PRDM5: variants seen among roughly 807,000 people sequenced by gnomAD.
PRDM5 encodes the protein PR domain zinc finger protein 5.
A neutral mutation model predicts 81.2 loss-of-function variants in PRDM5; 56 were observed. The ratio of observed to expected loss-of-function variants is 0.69; its 90% CI spans 0.56 to 0.86. The LOEUF (loss-of-function observed/expected upper bound fraction) is 0.86. PRDM5 is among the 40% of genes least tolerant of loss of function. The pLI is 0.00. For missense variants in PRDM5, 697 were observed against 770.1 expected (o/e 0.91, Z 1.12); for synonymous variants, 267 against 256.4 (o/e 1.04, Z -0.39).
rs1408832170 is a variant in PRDM5, at chr4:120,770,673, G to GA, written c.1537+6514dup. Among the ~76,000 whole-genome samples, 12 of 150,282 alleles carry GA rather than the reference G, an allele frequency of 8.0e-5. No individual in the cohort carries two copies. In the East Asian group the frequency reaches 9.7e-4, roughly 12 times the overall value. On this transcript the variant is annotated intron_variant, in intron 13 of 15. Coordinates refer to ENST00000264808, the MANE Select transcript of PRDM5 (RefSeq NM_018699.4). ...CTGGACAGAGCAAGACTATGTCTCA[G>GA]AAAAAAAAATTAGATAATTTCTCTT...
intron 2 of PRDM5, among the ~76,000 whole-genome samples, chr4:120,865,039 A>C (rs1761047486): frequency 6.6e-6 from 1 of 152,188 alleles, no homozygotes; most frequent in South Asian, 2.1e-4. Flanking sequence ...CCAAACCTAG[A>C]ACACAAATAT....
chr4:120,849,698 C>T (rs945908829), intron 3 of PRDM5, among the ~76,000 whole-genome samples: 3 of 152,088 alleles, frequency 2.0e-5, no homozygotes, highest in African/African-American at 4.8e-5. Flanking sequence ...AAATATTCAT[C>T]TTCTATCAAA....
intron 2 of PRDM5, among the ~76,000 whole-genome samples, chr4:120,902,950 CA>C (rs1765382585): frequency 6.6e-6 from 1 of 152,232 alleles, no homozygotes; most frequent in African/African-American, 2.4e-5. Flanking sequence ...CCAGGAGGCT[CA>C]ATCCTGACTG....
At chr4:120,818,662 A>T in intron 4 of PRDM5, 135 bp from the exon 5 acceptor site, 3 of 752,196 alleles carry the variant, frequency 4.0e-6, no homozygotes, top group Non-Finnish European at 6.7e-6. Flanking sequence ...TTATCACTAT[A>T]AATATTAATA....
At chr4:120,905,690 CA>C (rs1407024579) in intron 2 of PRDM5, among the ~76,000 whole-genome samples, 5 of 152,150 alleles carry the variant, frequency 3.3e-5, no homozygotes, top group South Asian at 2.1e-4. Flanking sequence ...TTAAAATAAA[CA>C]AATATATATA....
chr4:120,738,857 T>C (rs1459563417), intron 14 of PRDM5, among the ~76,000 whole-genome samples: 3 of 152,248 alleles, frequency 2.0e-5, no homozygotes, highest in Admixed American at 1.3e-4. Flanking sequence ...CATCCAAAAC[T>C]TAATACATTA....
intron 1 of PRDM5, among the ~76,000 whole-genome samples, chr4:120,910,168 TA>T (rs1243967613): frequency 1.3e-5 from 2 of 152,184 alleles, no homozygotes; most frequent in African/African-American, 4.8e-5. Context: ...AAAACACTGA[TA>T]GGGGAGGTAA....
intron 2 of PRDM5, among the ~76,000 whole-genome samples, chr4:120,895,341 T>C (rs969032216): frequency 1.3e-5 from 2 of 151,836 alleles, no homozygotes; most frequent in Non-Finnish European, 2.9e-5. Flanking sequence ...ACAAAGTAAG[T>C]GAAGAACCAG....
At chr4:120,713,836 T>C (rs1385702145) in intron 14 of PRDM5, among the ~76,000 whole-genome samples, 1 of 152,094 alleles carries the variant, frequency 6.6e-6, no homozygotes, top group Non-Finnish European at 1.5e-5. Context: ...ATTCTGGAGG[T>C]TAGAAGTCTA....
chr4:120,807,933 G>A (rs574310424), intron 8 of PRDM5, among the ~76,000 whole-genome samples: 40 of 152,176 alleles, frequency 2.6e-4, no homozygotes, highest in African/African-American at 7.0e-4. Context: ...AGACCTTCGC[G>A]GTGAGTGTTA....
chr4:120,754,212 T>C (rs978683116), intron 14 of PRDM5, among the ~76,000 whole-genome samples: 2 of 150,968 alleles, frequency 1.3e-5, no homozygotes, highest in African/African-American at 4.9e-5. Context: ...TATTAAAAAA[T>C]GTTCCTATTA....
At chr4:120,736,908 A>G (rs1741201334) in intron 14 of PRDM5, among the ~76,000 whole-genome samples, 1 of 152,218 alleles carries the variant, frequency 6.6e-6, no homozygotes, top group Admixed American at 6.5e-5. Flanking sequence ...AATTTGCAAA[A>G]GTCTACTTCC....
chr4:120,802,588 G>T (rs940877649), intron 8 of PRDM5, among the ~76,000 whole-genome samples: 1 of 152,236 alleles, frequency 6.6e-6, no homozygotes, highest in African/African-American at 2.4e-5. Flanking sequence ...TGATACCCAG[G>T]CAAAGAGGGT....
At chr4:120,914,363 G>C (rs1197648855) in intron 1 of PRDM5, among the ~76,000 whole-genome samples, 2 of 152,110 alleles carry the variant, frequency 1.3e-5, no homozygotes, top group East Asian at 3.9e-4. Flanking sequence ...AAAATCTCAA[G>C]TGAAAACCAT....
rs144762947 is a variant in PRDM5 at position 120,830,328 on chromosome 4, A to G, written c.301-8983T>C. ...GCAAAGTGAACCACGTCCAAGTGAAAGCTTTAAAAATCATCACATTTTGGC... is the reference window on the plus strand; with the variant it reads ...GCAAAGTGAACCACGTCCAAGTGAAGGCTTTAAAAATCATCACATTTTGGC... On this transcript the variant is annotated intron_variant, in intron 3 of 15. Coordinates refer to ENST00000264808, the MANE Select transcript of PRDM5 (RefSeq NM_018699.4). Among the ~76,000 whole-genome samples the G allele has an allele frequency of 3.9e-4, 60 of 152,168 alleles. 1 individual carries two copies. Among genetic ancestry groups the G allele is most frequent in the African/African-American group, 9.6e-4 (40 of 41,502 alleles).
rs535683047 is a variant in PRDM5, at chr4:120,765,948, CT to C, written c.1537+11239del. Among the ~76,000 whole-genome samples the C allele has an allele frequency of 5.4e-4, 78 of 143,878 alleles. No homozygotes were observed. The South Asian group carries it at 0.011, about 21-fold the overall frequency. 94.4% of individuals were successfully genotyped at this position (143,878 alleles called of 152,430 possible). A position where few individuals can be genotyped will look rare whatever the true frequency, so the allele number is the denominator to read the frequency against. On this transcript the variant is annotated intron_variant, in intron 13 of 15. Coordinates refer to ENST00000264808, the MANE Select transcript of PRDM5 (RefSeq NM_018699.4). ...TCAAAACAACACTATGCAGTTGGGA[CT>C]TTTTTTTTTCTTTCTTTTTTTTTTT...
intron 14 of PRDM5, among the ~76,000 whole-genome samples, chr4:120,724,115 C>T (rs1418664164): frequency 6.6e-6 from 1 of 151,828 alleles, no homozygotes; most frequent in Non-Finnish European, 1.5e-5. Flanking sequence ...AGCTTACATA[C>T]CAATTAATTT....
intron 8 of PRDM5, among the ~76,000 whole-genome samples, chr4:120,808,955 A>T (rs956248703): frequency 1.3e-5 from 2 of 151,680 alleles, no homozygotes; most frequent in African/African-American, 4.8e-5. Context: ...CTCCCTCCAC[A>T]CCTCCTGGCA....
intron 15 of PRDM5, among the ~76,000 whole-genome samples, chr4:120,707,571 A>G (rs1736379526): frequency 6.6e-6 from 1 of 151,958 alleles, no homozygotes; most frequent in African/African-American, 2.4e-5. Context: ...AAAAAACAAA[A>G]ACAAACAAAA....
Sources: gnomAD v4.1 joint callset for allele counts (sites outside exome capture counted in the v4.1 genomes callset) on GRCh38, gnomAD v4.1.1 for gene constraint, MANE v1.5 for transcripts, NCBI Gene and HGNC (gene_info 2026-07-23, HGNC 2026-07-21) for gene names.